ARHGAP15: variants seen among roughly 807,000 people sequenced by gnomAD.
ARHGAP15 encodes Rho GTPase activating protein 15.
A neutral mutation model predicts 63.7 loss-of-function variants in ARHGAP15; 51 were observed. That is an observed-to-expected ratio of 0.80 (90% CI 0.64 to 1.01). The LOEUF is 1.01. ARHGAP15 is among the 50% of genes least tolerant of loss of function. The pLI, the probability that ARHGAP15 is intolerant of heterozygous loss-of-function variation, is 0.00. For missense variants in ARHGAP15, 560 were observed against 564.6 expected, an observed-to-expected ratio of 0.99 and a Z score of 0.08; for synonymous variants, 191 against 193.8, an observed-to-expected ratio of 0.99 and a Z score of 0.12.
At chr2:143,534,857 A>G (rs1359615296) in intron 10 of ARHGAP15, among the ~76,000 whole-genome samples, 1 of 151,922 alleles carries the variant, frequency 6.6e-6, no homozygotes, top group East Asian at 1.9e-4. Context: ...CTCTAGCCTG[A>G]GTGATAGACT....
chr2:143,238,469 A>C (rs1693740725), intron 5 of ARHGAP15: 1 of 152,240 alleles, frequency 6.6e-6, no homozygotes, highest in Non-Finnish European at 1.5e-5. Context: ...TCATTAGATA[A>C]ATGTAAATCA....
At chr2:143,678,636 GAGAAC>G (rs1682942758) in intron 12 of ARHGAP15, among the ~76,000 whole-genome samples, 1 of 152,162 alleles carries the variant, frequency 6.6e-6, no homozygotes, top group African/African-American at 2.4e-5. Flanking sequence ...AATTAGAGAA[GAGAAC>G]AGAATGTTTT....
chr2:143,662,019 G>T (rs1399344046), intron 12 of ARHGAP15, among the ~76,000 whole-genome samples: 8 of 152,248 alleles, frequency 5.3e-5, no homozygotes, highest in Admixed American at 5.2e-4. Flanking sequence ...GCCCAGGCTT[G>T]CTTAGGTAAA....
intron 1 of ARHGAP15, among the ~76,000 whole-genome samples, chr2:143,143,453 CT>C (rs1689453076): frequency 6.6e-6 from 1 of 151,682 alleles, no homozygotes; most frequent in South Asian, 2.1e-4. Context: ...TATTTTTTCA[CT>C]ATTTTGATCA....
At position 143,396,901 on chromosome 2, in the gene ARHGAP15, A is replaced by ATC. The variant is rs1687785665; in HGVS notation, c.475-38697_475-38696dup. Among the ~76,000 whole-genome samples, 4 of 152,154 alleles carry ATC rather than the reference A, an allele frequency of 2.6e-5. No homozygotes were observed. The South Asian group carries it at 8.3e-4, about 31-fold the overall frequency. On this transcript the variant is annotated intron_variant, in intron 6 of 13. Coordinates refer to ENST00000295095, the MANE Select transcript of ARHGAP15 (RefSeq NM_018460.4). ...TCTGTGAAGATTATTTATATGAATT[A>ATC]TCTCAATATTTCTAACCTGCAACAG...
At position 143,649,212 on chromosome 2, in the gene ARHGAP15, G is replaced by T. The variant is rs1681044205; in HGVS notation, c.1138+24945G>T. On this transcript the variant is annotated intron_variant, in intron 12 of 13. Coordinates refer to ENST00000295095, the MANE Select transcript of ARHGAP15 (RefSeq NM_018460.4). Reference sequence around the variant, plus strand: ...ATCAGTGTAACCAGTTGCATAACCAGCATGTGGTTCTATATTTCGATGTTT... The same window carrying T: ...ATCAGTGTAACCAGTTGCATAACCATCATGTGGTTCTATATTTCGATGTTT... 3.3e-5 allele frequency among the ~76,000 whole-genome samples: 5 copies of T among 151,878 alleles called. No individual in the cohort carries two copies. In the South Asian group the frequency reaches 1.0e-3, roughly 31 times the overall value.
chr2:143,413,960 T>TGCGC (rs1254967791), intron 6 of ARHGAP15, among the ~76,000 whole-genome samples: 67 of 64,410 alleles, frequency 1.0e-3, no homozygotes, highest in Admixed American at 9.0e-4. Context: ...TGTGTGTGTG[T>TGCGC]GTGTGTGCGC....
intron 11 of ARHGAP15, among the ~76,000 whole-genome samples, chr2:143,581,102 T>G (rs1330092360): frequency 6.6e-6 from 1 of 152,124 alleles, no homozygotes; most frequent in East Asian, 1.9e-4. Flanking sequence ...GGCACAGAAT[T>G]GGTAACCAGC....
intron 6 of ARHGAP15, among the ~76,000 whole-genome samples, chr2:143,357,115 T>C (rs1351780932): frequency 6.6e-6 from 1 of 152,230 alleles, no homozygotes; most frequent in African/African-American, 2.4e-5. Context: ...AATTTATATC[T>C]GGGAATAAGT....
chr2:143,638,684 T>TAAAAAAAAAAAAAAAAAAAAAAG (rs1680459512), intron 12 of ARHGAP15, among the ~76,000 whole-genome samples: 1 of 98,426 alleles, frequency 1.0e-5, no homozygotes, highest in African/African-American at 5.5e-5. Flanking sequence ...GAAAAAAAAA[T>TAAAAAAAAAAAAAAAAAAAAAAG]ATTAAAAAAA....
At chr2:143,677,007 T>C (rs1438709816) in intron 12 of ARHGAP15, among the ~76,000 whole-genome samples, 1 of 152,260 alleles carries the variant, frequency 6.6e-6, no homozygotes, top group Middle Eastern at 3.2e-3. Flanking sequence ...AGTGTCTGAT[T>C]ACCACCTCAA....
At chr2:143,433,796 T>C (rs1191509769) in intron 6 of ARHGAP15, among the ~76,000 whole-genome samples, 1 of 152,114 alleles carries the variant, frequency 6.6e-6, no homozygotes, top group African/African-American at 2.4e-5. Context: ...AAACATTACA[T>C]TGTACATTGT....
At chr2:143,735,919 C>T (rs1685727443) in intron 13 of ARHGAP15, among the ~76,000 whole-genome samples, 1 of 152,180 alleles carries the variant, frequency 6.6e-6, no homozygotes, top group African/African-American at 2.4e-5. Flanking sequence ...GGTTGCCTAT[C>T]CCTCATTCTC....
intron 6 of ARHGAP15, among the ~76,000 whole-genome samples, chr2:143,343,696 TAACTG>T: frequency 6.6e-6 from 1 of 152,040 alleles, no homozygotes; most frequent in Non-Finnish European, 1.5e-5. Flanking sequence ...AGAAAATAAA[TAACTG>T]AGTGATGGAG....
intron 8 of ARHGAP15, among the ~76,000 whole-genome samples, chr2:143,458,542 G>A (rs1310249068): frequency 1.3e-5 from 2 of 152,162 alleles, no homozygotes; most frequent in African/African-American, 4.8e-5. Flanking sequence ...TCATGGGCCA[G>A]AGGAAAGAAA....
intron 8 of ARHGAP15, among the ~76,000 whole-genome samples, chr2:143,470,615 GTATA>G (rs992605752): frequency 6.0e-5 from 9 of 149,366 alleles, no homozygotes; most frequent in African/African-American, 1.7e-4. Flanking sequence ...GTATATATGT[GTATA>G]TATATACATA....
intron 11 of ARHGAP15, among the ~76,000 whole-genome samples, chr2:143,578,189 T>C (rs936474770): frequency 6.6e-6 from 1 of 152,164 alleles, no homozygotes; most frequent in Admixed American, 6.6e-5. Context: ...GACCCTCATA[T>C]GTCCTGAGTA....
intron 6 of ARHGAP15, among the ~76,000 whole-genome samples, chr2:143,330,583 G>A (rs1024029237): frequency 2.0e-5 from 3 of 152,098 alleles, no homozygotes; most frequent in African/African-American, 4.8e-5. Flanking sequence ...AGTGAATCAG[G>A]CCTTCAGAGT....
chr2:143,647,185 G>C (rs1292279982), intron 12 of ARHGAP15, among the ~76,000 whole-genome samples: 1 of 151,792 alleles, frequency 6.6e-6, no homozygotes, highest in African/African-American at 2.4e-5. Flanking sequence ...CCTAGAGTAT[G>C]ATATTGCTAA....
Sources: gnomAD v4.1 joint callset for allele counts (sites outside exome capture counted in the v4.1 genomes callset) on GRCh38, gnomAD v4.1.1 for gene constraint, MANE v1.5 for transcripts, NCBI Gene and HGNC (gene_info 2026-07-23, HGNC 2026-07-21) for gene names.